The following CLNK variants were observed in gnomAD, a reference collection of about 807,000 sequenced individuals.
CLNK encodes cytokine-dependent hematopoietic cell linker.
In CLNK, 74 loss-of-function variants were observed where a neutral mutation model predicts 68.6. That is an observed-to-expected ratio of 1.08 (90% CI 0.89 to 1.31). The LOEUF is 1.31. Ranked by LOEUF, CLNK falls within the 50% of genes most tolerant of loss-of-function variation. The probability of loss-of-function intolerance (pLI) is 0.00; values close to 1 mark genes in which losing one functional copy is unlikely to be tolerated. For missense variants in CLNK, 553 were observed against 515.3 expected (o/e 1.07, Z -0.71); for synonymous variants, 198 against 172.2 (o/e 1.15, Z -1.17).
In CLNK at chr4:10,571,770, G is replaced by A. The variant is rs770611210; in HGVS notation, c.121C>T (p.Gln41Ter). 1.2e-6 allele frequency: 2 copies of A among 1,612,880 alleles called. No individual in the cohort carries two copies. Among genetic ancestry groups the A allele is most frequent in the African/African-American group, 1.3e-5 (1 of 75,008 alleles). The change falls in exon 5 of 19, where the codon CAG (glutamine) becomes TAG (stop). Residue 41 changes from glutamine (Q) to a stop codon, truncating the protein, a stop_gained. Coordinates refer to ENST00000226951, the MANE Select transcript of CLNK (RefSeq NM_052964.4). LOFTEE classifies it high-confidence loss of function. ...TCTAGAAGAGGCTTGTTCATCCTCT[G>A]GTACTGGCCTGCCAACACAAACAGA... ...PRINSATGQYQRMNKPLLDWE... is the reference protein window; with the variant it reads ...PRINSATGQY
At chr4:10,528,011 G>A in intron 13 of CLNK, 65 bp downstream of exon 13, 1 of 883,596 alleles carries the variant, frequency 1.1e-6, no homozygotes, top group Non-Finnish European at 1.6e-6. Flanking sequence ...CATGAGCACT[G>A]TAGATCTAGA....
intron 2 of CLNK, among the ~76,000 whole-genome samples, chr4:10,646,752 G>A (rs937167390): frequency 7.2e-5 from 11 of 151,798 alleles, no homozygotes; most frequent in South Asian, 4.2e-4. Context: ...CCTATATTCC[G>A]CAGGAGAGCA....
chr4:10,598,000 T>G lies in CLNK; in HGVS notation c.61A>C (p.Asn21His). The G allele has an allele frequency of 6.3e-7, 1 of 1,587,576 alleles. No homozygotes were observed. The highest frequency in any genetic ancestry group is 1.2e-5 in the South Asian group (1 of 86,922). ...KEGSNDLKFQ[N>H]FSLPKNRSWP... ...GACCTGTTTTTTGGCAGACTGAAGT[T>G]CTGGAATTTCAAATCGTTGGATCCT... The change falls in exon 3 of 19, where the codon AAC becomes CAC. Residue 21 changes from asparagine (N) to histidine (H), a missense_variant. Asn to His is a moderately conservative substitution (Grantham distance 68, BLOSUM62 1). Transcript: ENST00000226951.
chr4:10,623,947 CAT>C (rs1722558735), intron 2 of CLNK, among the ~76,000 whole-genome samples: 1 of 152,176 alleles, frequency 6.6e-6, no homozygotes, highest in South Asian at 2.1e-4. Context: ...AGGAAGAAAA[CAT>C]GTTAAATGTT....
intron 4 of CLNK, among the ~76,000 whole-genome samples, chr4:10,583,882 C>T (rs1720877561): frequency 6.6e-6 from 1 of 152,112 alleles, no homozygotes. Context: ...CTTTATGATT[C>T]ACCGGTCACC....
intron 2 of CLNK, among the ~76,000 whole-genome samples, chr4:10,632,615 C>T (rs756365559): frequency 2.0e-5 from 3 of 152,340 alleles, no homozygotes; most frequent in African/African-American, 4.8e-5. Context: ...ACATTCACTT[C>T]AGCTCATCTC....
chr4:10,502,161 A>G (rs1717082682), intron 17 of CLNK, among the ~76,000 whole-genome samples: 1 of 152,224 alleles, frequency 6.6e-6, no homozygotes, highest in Non-Finnish European at 1.5e-5. Flanking sequence ...ACTTCTATAA[A>G]GAAATACCTG....
chr4:10,540,407 A>G, intron 11 of CLNK, 87 bp downstream of exon 11: 1 of 965,022 alleles, frequency 1.0e-6, no homozygotes, highest in Non-Finnish European at 1.7e-6. Context: ...GCCTGCTCTG[A>G]AAGGTACTTT....
At chr4:10,594,056 G>A (rs958228366) in intron 3 of CLNK, among the ~76,000 whole-genome samples, 1 of 152,176 alleles carries the variant, frequency 6.6e-6, no homozygotes, top group Non-Finnish European at 1.5e-5. Flanking sequence ...CTGCCATGGT[G>A]CATGACACAG....
At chr4:10,611,532 A>G (rs1430703235) in intron 2 of CLNK, among the ~76,000 whole-genome samples, 2 of 148,548 alleles carry the variant, frequency 1.3e-5, no homozygotes, top group African/African-American at 4.9e-5. Context: ...CTTCTTCTGC[A>G]GTCTGCAGGG....
At chr4:10,520,246 TATC>T (rs960385418) in intron 15 of CLNK, among the ~76,000 whole-genome samples, 7 of 152,228 alleles carry the variant, frequency 4.6e-5, no homozygotes, top group Non-Finnish European at 8.8e-5. Context: ...GCAGATGTGA[TATC>T]CTTCTGATTT....
intron 2 of CLNK, among the ~76,000 whole-genome samples, chr4:10,655,838 A>G (rs897739219): frequency 6.6e-6 from 1 of 151,662 alleles, no homozygotes; most frequent in African/African-American, 2.4e-5. Flanking sequence ...TTTAGTAGAG[A>G]TGGGGTTTCA....
chr4:10,612,765 A>G (rs1722080794), intron 2 of CLNK, among the ~76,000 whole-genome samples: 1 of 152,224 alleles, frequency 6.6e-6, no homozygotes, highest in South Asian at 2.1e-4. Flanking sequence ...TTATCAAAAG[A>G]TAATCAAACC....
At chr4:10,608,115 T>C (rs1437687558) in intron 2 of CLNK, among the ~76,000 whole-genome samples, 3 of 152,186 alleles carry the variant, frequency 2.0e-5, no homozygotes, top group African/African-American at 7.2e-5. Flanking sequence ...TACCAAAGCC[T>C]CTTGATCTTT....
chr4:10,672,929 T>C (rs149360916), intron 1 of CLNK, among the ~76,000 whole-genome samples: 266 of 152,332 alleles, frequency 1.7e-3, no homozygotes, highest in African/African-American at 6.3e-3. Flanking sequence ...AAACACATCT[T>C]AAATAGACAT....
chr4:10,726,222 A>T, the CLNK span, among the ~76,000 whole-genome samples: 1 of 152,122 alleles, frequency 6.6e-6, no homozygotes, highest in African/African-American at 2.4e-5. Context: ...CTCGGGTTCA[A>T]GCGATTCTCC....
chr4:10,691,002 A>G, the CLNK span, among the ~76,000 whole-genome samples: 1 of 152,110 alleles, frequency 6.6e-6, no homozygotes, highest in Non-Finnish European at 1.5e-5. Flanking sequence ...GGAACTTTAT[A>G]TATGGAGGTC....
the CLNK span, chr4:10,697,134 C>T: frequency 6.6e-6 from 1 of 152,202 alleles, no homozygotes; most frequent in Non-Finnish European, 1.5e-5. Flanking sequence ...TGAATGGTTC[C>T]AGACACTCAT....
chr4:10,525,292 C>G (rs1187225243), intron 14 of CLNK, among the ~76,000 whole-genome samples: 1 of 152,154 alleles, frequency 6.6e-6, no homozygotes, highest in East Asian at 1.9e-4. Context: ...GTCTCGATCT[C>G]CTGACCTCAT....
Sources: gnomAD v4.1 joint callset for allele counts (sites outside exome capture counted in the v4.1 genomes callset) on GRCh38, gnomAD v4.1.1 for gene constraint, MANE v1.5 for transcripts, NCBI Gene and HGNC (gene_info 2026-07-23, HGNC 2026-07-21) for gene names.